The following PJA2 variants were observed in gnomAD, a reference collection of about 807,000 sequenced individuals.
PJA2 encodes the protein praja ring finger ubiquitin ligase 2, also known as E3 ubiquitin-protein ligase Praja-2.
Under a neutral mutation model 69.3 loss-of-function variants are expected in PJA2, and 25 were observed. That is an observed-to-expected ratio of 0.36 (90% CI 0.26 to 0.50). PJA2 has a LOEUF of 0.50. Among genes scored for constraint, PJA2 ranks in the 20% least tolerant of loss-of-function variants. The pLI, the probability that PJA2 is intolerant of heterozygous loss-of-function variation, is 0.96. For missense variants in PJA2, 809 were observed against 830.2 expected (o/e 0.97, Z 0.31); for synonymous variants, 308 against 277.8 (o/e 1.11, Z -1.08).
chr5:109,381,380 T>C, intron 3 of PJA2, 123 bp downstream of exon 3: 1 of 660,670 alleles, frequency 1.5e-6, no homozygotes, highest in Non-Finnish European at 2.5e-6. Flanking sequence ...AAATAGAATT[T>C]CTTGATAGGA....
In PJA2 at chr5:109,378,208, C is replaced by G. The variant is rs760394293; in HGVS notation, c.1279G>C (p.Asp427His). ...DYYQLYDKDEDSSECSDGEWS... is the reference protein window; with the variant it reads ...DYYQLYDKDEHSSECSDGEWS... ...AAGTACTGGATGTGACCTTACCTAT[C>G]TTCATCTTTGTCATAGAGTTGGTAA... Residue 427 changes from aspartate (D) to histidine (H), a missense_variant, in exon 4 of 10, where the codon GAT becomes CAT. Coordinates refer to ENST00000361189, the MANE Select transcript of PJA2 (RefSeq NM_014819.5). The G allele has an allele frequency of 1.2e-6, 2 of 1,608,210 alleles. No homozygotes were observed. Among genetic ancestry groups the G allele is most frequent in the East Asian group, 2.2e-5 (1 of 44,864 alleles).
At chr5:109,380,403 A>G (rs1029586718) in intron 3 of PJA2, among the ~76,000 whole-genome samples, 4 of 152,160 alleles carry the variant, frequency 2.6e-5, no homozygotes, top group African/African-American at 9.6e-5. Context: ...TACTTTTTCA[A>G]AACCATTGAA....
chr5:109,387,583 A>G (rs1272130129), intron 1 of PJA2, among the ~76,000 whole-genome samples: 2 of 152,204 alleles, frequency 1.3e-5, no homozygotes, highest in Non-Finnish European at 2.9e-5. Context: ...GTTTTTACAT[A>G]CTTCTTACTA....
intron 1 of PJA2, among the ~76,000 whole-genome samples, chr5:109,388,726 T>A (rs1272713438): frequency 6.6e-6 from 1 of 152,208 alleles, no homozygotes; most frequent in Non-Finnish European, 1.5e-5. Context: ...AGGAAAAGTC[T>A]TGGTTACTCT....
chr5:109,369,905 G>A (rs779408436), intron 4 of PJA2, among the ~76,000 whole-genome samples: 18 of 151,958 alleles, frequency 1.2e-4, no homozygotes, highest in East Asian at 9.7e-4. Context: ...GGCGCTGCAC[G>A]CCTGTAATCC....
At chr5:109,374,770 A>G (rs565200173) in intron 4 of PJA2, among the ~76,000 whole-genome samples, 11 of 152,344 alleles carry the variant, frequency 7.2e-5, no homozygotes, top group South Asian at 2.1e-4. Context: ...CTCAAATGCT[A>G]TAAGTAAGGA....
intron 1 of PJA2, among the ~76,000 whole-genome samples, chr5:109,407,832 C>T (rs1747724495): frequency 6.6e-6 from 1 of 152,016 alleles, no homozygotes; most frequent in Admixed American, 6.5e-5. Flanking sequence ...AAAAATTTCC[C>T]TAACAGTATA....
intron 9 of PJA2, among the ~76,000 whole-genome samples, chr5:109,342,935 G>A (rs1225135011): frequency 4.0e-4 from 27 of 67,146 alleles, no homozygotes; most frequent in East Asian, 2.5e-3. Context: ...GGTGAGGGGC[G>A]CCTCTGCCCG....
intron 9 of PJA2, among the ~76,000 whole-genome samples, chr5:109,339,525 G>C (rs1363940708): frequency 6.6e-6 from 1 of 152,192 alleles, no homozygotes; most frequent in African/African-American, 2.4e-5. Flanking sequence ...AAGACAACAA[G>C]GGTTGAAGGT....
chr5:109,359,314 T>C (rs1762474096), intron 6 of PJA2, among the ~76,000 whole-genome samples: 1 of 152,230 alleles, frequency 6.6e-6, no homozygotes, highest in Non-Finnish European at 1.5e-5. Context: ...CTATCAGTAG[T>C]TAACCTTCTG....
In PJA2 at chr5:109,391,094, T is replaced by C. The variant is rs188572242; in HGVS notation, c.-87-7574A>G. 5.9e-5 allele frequency among the ~76,000 whole-genome samples: 9 copies of C among 152,250 alleles called. No homozygotes were observed. The East Asian group carries it at 1.2e-3, about 20-fold the overall frequency. ...TGCATTAAAGACCCTACTAAACCCA[T>C]TGTAAAGTTGAAAAATCATAAACGA... On this transcript the variant is annotated intron_variant, in intron 1 of 9. Transcript: ENST00000361189.
chr5:109,344,852 A>C, intron 7 of PJA2, 33 bp from the exon 8 acceptor site: 2 of 1,390,304 alleles, frequency 1.4e-6, no homozygotes, highest in Non-Finnish European at 2.0e-6. Flanking sequence ...CTTTGTTAGA[A>C]ATACTTTAAA....
rs1761914362 is a variant in PJA2 at position 109,335,032 on chromosome 5, T to G, written c.*2199A>C. On this transcript the variant is annotated 3_prime_UTR_variant, in exon 10 of 10. Transcript: ENST00000361189. ...CACAACATAAAATAGAGAAATAAGA[T>G]AAATGCTATTTTATTAATATTCATA... 6.6e-6 allele frequency: 1 copy of G among 152,626 alleles called. No homozygotes were observed. Among genetic ancestry groups the G allele is most frequent in the African/African-American group, 2.4e-5 (1 of 41,462 alleles). The allele number at this position is 152,626 out of a possible 1,614,324, so 9.5% of individuals were successfully genotyped here.
intron 1 of PJA2, among the ~76,000 whole-genome samples, chr5:109,407,057 G>A (rs1297302610): frequency 6.6e-6 from 1 of 152,290 alleles, no homozygotes; most frequent in African/African-American, 2.4e-5. Context: ...GACTGCAAAA[G>A]GGAACTTTGG....
chr5:109,391,543 C>A (rs897454742), intron 1 of PJA2, among the ~76,000 whole-genome samples: 1 of 151,474 alleles, frequency 6.6e-6, no homozygotes, highest in Non-Finnish European at 1.5e-5. Flanking sequence ...TTCCTGGCTT[C>A]CACAGTTTCC....
intron 9 of PJA2, among the ~76,000 whole-genome samples, chr5:109,341,420 G>A (rs1172929617): frequency 7.0e-6 from 1 of 143,214 alleles, no homozygotes; most frequent in Non-Finnish European, 1.5e-5. Flanking sequence ...CCCCGTCTGA[G>A]AAGTGAGGAG....
chr5:109,349,160 A>G (rs191945443), intron 7 of PJA2, among the ~76,000 whole-genome samples: 183 of 152,330 alleles, frequency 1.2e-3, no homozygotes, highest in Non-Finnish European at 2.3e-3. Context: ...GGAAATTTAA[A>G]TGTGCATTGA....
At chr5:109,397,399 A>G (rs931700730) in intron 1 of PJA2, among the ~76,000 whole-genome samples, 1 of 152,180 alleles carries the variant, frequency 6.6e-6, no homozygotes, top group African/African-American at 2.4e-5. Context: ...TCTACAGGGT[A>G]TAGAAAGCTG....
chr5:109,365,075 G>A (rs973595477), intron 5 of PJA2, among the ~76,000 whole-genome samples: 5 of 152,142 alleles, frequency 3.3e-5, no homozygotes, highest in Non-Finnish European at 5.9e-5. Flanking sequence ...AGAGAAACCC[G>A]GCAAAAGCTA....
Sources: gnomAD v4.1 joint callset for allele counts (sites outside exome capture counted in the v4.1 genomes callset) on GRCh38, gnomAD v4.1.1 for gene constraint, MANE v1.5 for transcripts, NCBI Gene and HGNC (gene_info 2026-07-23, HGNC 2026-07-21) for gene names.